The following RAB36 variants were observed in gnomAD, a reference collection of about 807,000 sequenced individuals.
RAB36 encodes RAB36, member RAS oncogene family, also known as ras-related protein Rab-36.
A neutral mutation model predicts 39.3 loss-of-function variants in RAB36; 33 were observed. That is an observed-to-expected ratio of 0.84 (90% CI 0.64 to 1.12). The LOEUF (loss-of-function observed/expected upper bound fraction) is 1.12, where lower values mean the gene tolerates loss of function less well. RAB36 is among the 50% of genes most tolerant of loss of function. The pLI is 0.00. For synonymous variants in RAB36, 133 were observed against 140.2 expected (o/e 0.95, Z 0.36); for missense variants, 308 against 355.3 (o/e 0.87, Z 1.07).
chr22:23,159,769 A>T (rs997105563), intron 9 of RAB36, among the ~76,000 whole-genome samples: 1 of 152,070 alleles, frequency 6.6e-6, no homozygotes, highest in African/African-American at 2.4e-5. Flanking sequence ...TCCCAGTATC[A>T]CTGTGGCTCA....
chr22:23,152,996 G>A, intron 4 of RAB36, 37 bp from the exon 5 acceptor site: 1 of 1,458,902 alleles, frequency 6.9e-7, no homozygotes. Context: ...ACATTTCTGT[G>A]AGTACACCCC....
At position 23,163,881 on chromosome 22, in the gene RAB36, G is replaced by T. The variant is rs2071956482; in HGVS notation, c.*2317G>T. The T allele has an allele frequency of 6.6e-6, 1 of 151,500 alleles. No homozygotes were observed. The allele number at this position is 151,500 out of a possible 1,614,324, so 9.4% of individuals were successfully genotyped here. On this transcript the variant is annotated 3_prime_UTR_variant, in exon 11 of 11. Transcript: ENST00000263116. ...AGGCCTCTCCCTGATGGCACACAAG[G>T]AGCCTCCTTCCTGTAGCAGCGCCCA...
At chr22:23,159,068 G>GAGGCAGCACAGTGGGAAGC in intron 8 of RAB36, 89 bp downstream of exon 8, 1 of 1,586,716 alleles carries the variant, frequency 6.3e-7, no homozygotes, top group Non-Finnish European at 8.6e-7. Flanking sequence ...GGGAGGGAGG[G>GAGGCAGCACAGTGGGAAGC]AGGCAGCACA....
chr22:23,151,507 G>T (rs752458144), intron 3 of RAB36, among the ~76,000 whole-genome samples: 52 of 152,188 alleles, frequency 3.4e-4, no homozygotes, highest in Admixed American at 1.3e-3. Flanking sequence ...GGCAGAGGAA[G>T]TGCCTGTCAG....
At chr22:23,151,897 C>T (rs2071157631) in intron 3 of RAB36, among the ~76,000 whole-genome samples, 1 of 152,170 alleles carries the variant, frequency 6.6e-6, no homozygotes, top group South Asian at 2.1e-4. Flanking sequence ...CGGGGTGTGC[C>T]CCTTGGCCTG....
chr22:23,157,308 T>C (rs1442790257), intron 6 of RAB36, among the ~76,000 whole-genome samples: 3 of 151,798 alleles, frequency 2.0e-5, no homozygotes, highest in Non-Finnish European at 4.4e-5. Context: ...TGGAGTGCAG[T>C]GGCGCAATCT....
downstream of RAB36, among the ~76,000 whole-genome samples, chr22:23,167,395 G>A (rs1375935055): frequency 6.6e-6 from 1 of 152,142 alleles, no homozygotes; most frequent in Non-Finnish European, 1.5e-5. Flanking sequence ...GCTCCACAGG[G>A]ACCGGAGCAA....
chr22:23,148,034 C>A (rs932032052), intron 2 of RAB36, among the ~76,000 whole-genome samples: 3 of 152,084 alleles, frequency 2.0e-5, no homozygotes, highest in Non-Finnish European at 4.4e-5. Flanking sequence ...CGGACAGGTG[C>A]AGAGGGATAG....
Position 23,164,881 on chromosome 22 carries a change from GCTC to G in RAB36, c.*3321_*3323del, listed in dbSNP as rs1320506459. On this transcript the variant is annotated 3_prime_UTR_variant, in exon 11 of 11. Coordinates refer to ENST00000263116, the MANE Select transcript of RAB36 (RefSeq NM_004914.5). Reference sequence around the variant, plus strand: ...GGGTGCTCTCGCTCTGGCTTTCGAGGCTCCTCACCACCCAGCCCACCCCACCCC... The same window carrying G: ...GGGTGCTCTCGCTCTGGCTTTCGAGGCTCACCACCCAGCCCACCCCACCCC... 1.3e-5 allele frequency among the ~76,000 whole-genome samples: 2 copies of G among 151,994 alleles called. No homozygotes were observed. The highest frequency in any genetic ancestry group is 2.4e-5 in the African/African-American group (1 of 41,368).
chr22:23,145,623 G>C (rs2070720069), intron 1 of RAB36, 72 bp downstream of exon 1: 1 of 1,473,206 alleles, frequency 6.8e-7, no homozygotes, highest in Non-Finnish European at 9.1e-7. Flanking sequence ...CCGAGGCCAG[G>C]GCCGCGAGGG....
Position 23,145,562 on chromosome 22 carries a change from T to A in RAB36, c.-13+11T>A. 6.3e-7 allele frequency: 1 copy of A among 1,596,560 alleles called. No individual in the cohort carries two copies. The highest frequency in any genetic ancestry group is 2.2e-5 in the East Asian group (1 of 44,746). ...TCACAGCCATCGCTGGTGAGTCAGC[T>A]CGCCCACTCTGTCCGACCCTCCCGG... On this transcript the variant is annotated intron_variant, in intron 1 of 10. Transcript: ENST00000263116.
upstream of RAB36, chr22:23,145,451 T>C (rs747751020): frequency 1.9e-6 from 3 of 1,610,498 alleles, no homozygotes; most frequent in African/African-American, 4.0e-5. Flanking sequence ...ACGATTCGTG[T>C]AGCCCGCAGG....
chr22:23,169,226 G>C (rs1209325573), downstream of RAB36, among the ~76,000 whole-genome samples: 1 of 152,230 alleles, frequency 6.6e-6, no homozygotes, highest in Non-Finnish European at 1.5e-5. Flanking sequence ...ATGGCCCTCA[G>C]ATCTTTGCTC....
chr22:23,158,056 T>C lies in RAB36; in HGVS notation c.446+13T>C, dbSNP rs567495697. 1.2e-6 allele frequency: 2 copies of C among 1,613,888 alleles called. No individual in the cohort carries two copies. Among genetic ancestry groups the C allele is most frequent in the Non-Finnish European group, 1.7e-6 (2 of 1,179,894 alleles). On this transcript the variant is annotated intron_variant, in intron 7 of 10. Transcript: ENST00000263116. The stretch of plus-strand genomic sequence containing the variant: ...TGGAGCATACCAGGTAAGTCTGGGC[T>C]CTCTGGCCCCTGCAGTCTCCCTGGG...
Position 23,152,577 on chromosome 22 carries a change from C to T in RAB36, c.227+51C>T, listed in dbSNP as rs146980301. 3.5e-4 allele frequency: 550 copies of T among 1,559,712 alleles called. 3 individuals carry two copies. In the African/African-American group the frequency reaches 6.7e-3, roughly 19 times the overall value. Reference sequence around the variant, plus strand: ...GCCACCTCCCCCAGCACCAGGTTGTCATACCTTTGCCTGGGTGGCCCAGAT... The same window carrying T: ...GCCACCTCCCCCAGCACCAGGTTGTTATACCTTTGCCTGGGTGGCCCAGAT... On this transcript the variant is annotated intron_variant, in intron 4 of 10. Coordinates refer to ENST00000263116, the MANE Select transcript of RAB36 (RefSeq NM_004914.5).
At chr22:23,145,817 C>G in intron 1 of RAB36, 1 of 329,426 alleles carries the variant, frequency 3.0e-6, no homozygotes, top group Non-Finnish European at 4.3e-6. Flanking sequence ...GGAGAGGAGT[C>G]CGGACAGAAA....
chr22:23,161,737 G>T lies in RAB36; in HGVS notation c.*173G>T. ...GCTCAGCTCCAGGGCACAGTCACTT[G>T]TCCGTTGCAGGTTGGGCACTAGAAA... On this transcript the variant is annotated 3_prime_UTR_variant, in exon 11 of 11. Transcript: ENST00000263116. 1 of 606,440 alleles carries T rather than the reference G, an allele frequency of 1.6e-6. No individual in the cohort carries two copies. The highest frequency in any genetic ancestry group is 2.0e-5 in the South Asian group (1 of 50,516). The allele number at this position is 606,440 out of a possible 1,614,324, so 37.6% of individuals were successfully genotyped here. A position where few individuals can be genotyped will look rare whatever the true frequency, so the allele number is the denominator to read the frequency against.
chr22:23,161,547 A>G lies in RAB36; in HGVS notation c.787A>G (p.Ser263Gly), dbSNP rs1444793882. The G allele has an allele frequency of 6.2e-7, 1 of 1,611,958 alleles. No individual in the cohort carries two copies. Among genetic ancestry groups the G allele is most frequent in the South Asian group, 1.1e-5 (1 of 90,880 alleles). The change falls in exon 11 of 11, where the codon AGC becomes GGC. Residue 263 changes from serine (S) to glycine (G), a missense_variant. Ser to Gly is a moderately conservative substitution (Grantham distance 56, BLOSUM62 0). Coordinates refer to ENST00000263116, the MANE Select transcript of RAB36 (RefSeq NM_004914.5). Reference sequence around the variant, plus strand: ...GACCCAGGAGAGCAAGAGGCCCTCCAGCCTGGGCTGCTGCTAACTGGGGCC... The same window carrying G: ...GACCCAGGAGAGCAAGAGGCCCTCCGGCCTGGGCTGCTGCTAACTGGGGCC... The part of the protein sequence containing the change: ...PETQESKRPS[S>G]LGCC
At position 23,146,638 on chromosome 22, in the gene RAB36, T is replaced by C; in HGVS notation, c.22T>C (p.Leu8=). Reference sequence around the variant, plus strand: ...AAGAATGAGGTCCTCCCTGACACCTTTGGGGCCCCCTGTGAGCCGCGACCG... The same window carrying C: ...AAGAATGAGGTCCTCCCTGACACCTCTGGGGCCCCCTGTGAGCCGCGACCG... MRSSLTP[L]GPPVSRDRVI... Residue 8 remains leucine (L), a synonymous_variant, in exon 2 of 11, where the codon TTG becomes CTG. Transcript: ENST00000263116. 1.2e-6 allele frequency: 2 copies of C among 1,614,044 alleles called. No individual in the cohort carries two copies. The highest frequency in any genetic ancestry group is 1.7e-6 in the Non-Finnish European group (2 of 1,179,938).
Sources: allele counts gnomAD v4.1 joint callset (sites outside exome capture counted in the v4.1 genomes callset), GRCh38; gene constraint gnomAD v4.1.1; transcripts MANE v1.5; gene names NCBI Gene and HGNC (gene_info 2026-07-23, HGNC 2026-07-21).